ERICH1: variants seen among roughly 807,000 people sequenced by gnomAD.
The protein encoded by ERICH1 is glutamate-rich protein 1.
A neutral mutation model predicts 39.6 loss-of-function variants in ERICH1; 56 were observed. The observed-to-expected ratio is 1.41, with a 90% CI of 1.14 to 1.77. ERICH1 has a LOEUF of 1.77. ERICH1 is among the 40% of genes most tolerant of loss of function. The pLI, the probability that ERICH1 is intolerant of heterozygous loss-of-function variation, is 0.00. For synonymous variants in ERICH1, 313 were observed against 223.6 expected (o/e 1.40, Z -3.57); for missense variants, 826 against 575.4 (o/e 1.44, Z -4.45).
rs1027063216 is a variant in ERICH1 at position 731,219 on chromosome 8, C to T, written c.-58G>A. The T allele has an allele frequency of 7.1e-7, 1 of 1,414,580 alleles. No homozygotes were observed. Among genetic ancestry groups the T allele is most frequent in the Non-Finnish European group, 9.2e-7 (1 of 1,085,432 alleles). 87.6% of individuals were successfully genotyped at this position (1,414,580 alleles called of 1,614,324 possible). ...GCGCGGTCCTGAGCTGAGCGCCGTG[C>T]CTTCCGGGTTCCGCCCTCCTGGGTC... On this transcript the variant is annotated 5_prime_UTR_variant, in exon 1 of 6. Transcript: ENST00000262109.
At chr8:615,663 C>A in intron 3 of ERICH1, 1 of 173,834 alleles carries the variant, frequency 5.8e-6, no homozygotes, top group Non-Finnish European at 1.2e-5. Context: ...AATGGACTGT[C>A]CTGGAAAGGT....
chr8:729,360 T>C (rs1819501314), intron 1 of ERICH1, among the ~76,000 whole-genome samples: 1 of 152,286 alleles, frequency 6.6e-6, no homozygotes, highest in East Asian at 1.9e-4. Context: ...CAGACATCCC[T>C]GCAAGGGGAC....
At chr8:657,010 T>C (rs1800744668) in intron 3 of ERICH1, among the ~76,000 whole-genome samples, 3 of 152,236 alleles carry the variant, frequency 2.0e-5, no homozygotes, top group Admixed American at 6.5e-5. Context: ...GTTTAATAGA[T>C]TGGGGAAGAG....
intron 3 of ERICH1, among the ~76,000 whole-genome samples, chr8:679,292 G>A (rs1805574085): frequency 7.3e-6 from 1 of 136,360 alleles, no homozygotes; most frequent in South Asian, 2.5e-4. Context: ...ACTGCTCACA[G>A]CAAGTGACCC....
chr8:658,010 G>T (rs562542224), intron 3 of ERICH1, among the ~76,000 whole-genome samples: 1 of 152,296 alleles, frequency 6.6e-6, no homozygotes, highest in South Asian at 2.1e-4. Context: ...TCCAGGAGGG[G>T]CCCCACCCGA....
Position 650,046 on chromosome 8 carries a change from T to TGC in ERICH1, c.976+18550_976+18551dup, listed in dbSNP as rs1799748560. Among the ~76,000 whole-genome samples the TGC allele has an allele frequency of 3.3e-5, 5 of 152,318 alleles. No homozygotes were observed. The South Asian group carries it at 1.0e-3, about 32-fold the overall frequency. ...CGGCCTCCCTGCGCTGAGCGCGACC[T>TGC]GCGTGTCCTGCTCTCGGCTTTCGTG... On this transcript the variant is annotated intron_variant, in intron 3 of 3. Coordinates refer to the ERICH1 transcript ENST00000522706.
intron 3 of ERICH1, among the ~76,000 whole-genome samples, chr8:617,277 G>A (rs1198304072): frequency 6.6e-6 from 1 of 152,168 alleles, no homozygotes. Flanking sequence ...AAGTCAGAAT[G>A]TTCCTGGTGG....
At chr8:633,071 G>C (rs1028409672) in intron 3 of ERICH1, among the ~76,000 whole-genome samples, 2 of 152,168 alleles carry the variant, frequency 1.3e-5, no homozygotes, top group East Asian at 3.9e-4. Flanking sequence ...GGGCCCGCGC[G>C]GGGCCGCCCA....
exon 4 of ERICH1, chr8:615,151 T>C (rs1584917020): frequency 3.2e-6 from 2 of 621,144 alleles, no homozygotes; most frequent in East Asian, 2.8e-5. Flanking sequence ...GCTTAAAAAG[T>C]TACTATCACA....
intron 1 of ERICH1, among the ~76,000 whole-genome samples, chr8:716,761 T>C (rs892166406): frequency 2.0e-5 from 3 of 152,094 alleles, no homozygotes; most frequent in Admixed American, 1.3e-4. Context: ...CTGGTGCCTT[T>C]AGGAACAGGG....
At chr8:686,175 C>G (rs2132001705) in intron 3 of ERICH1, among the ~76,000 whole-genome samples, 1 of 152,176 alleles carries the variant, frequency 6.6e-6, no homozygotes, top group South Asian at 2.1e-4. Flanking sequence ...TCATCATCAT[C>G]ATCTTCTACC....
intron 1 of ERICH1, among the ~76,000 whole-genome samples, chr8:728,676 G>A (rs1301536224): frequency 6.6e-6 from 1 of 152,174 alleles, no homozygotes; most frequent in African/African-American, 2.4e-5. Context: ...TCAATTAGGA[G>A]AGCAGTTCAT....
At chr8:666,417 C>T (rs960490843) in intron 5 of ERICH1, 2 of 152,224 alleles carry the variant, frequency 1.3e-5, no homozygotes, top group Non-Finnish European at 2.9e-5. Flanking sequence ...TTGTTAAGTA[C>T]TTGCTGTAAG....
At chr8:656,614 G>C (rs189491445) in intron 3 of ERICH1, 1 of 361,970 alleles carries the variant, frequency 2.8e-6, no homozygotes, top group African/African-American at 2.2e-5. Context: ...AAATCAGCCA[G>C]GGCTTGCCCC....
chr8:630,569 G>C (rs1797950014), intron 3 of ERICH1, among the ~76,000 whole-genome samples: 1 of 79,564 alleles, frequency 1.3e-5, no homozygotes, highest in South Asian at 5.1e-4. Flanking sequence ...ACCCTTCTGT[G>C]ACCACCCACA....
intron 1 of ERICH1, among the ~76,000 whole-genome samples, chr8:722,966 G>A (rs1310839053): frequency 3.9e-5 from 6 of 152,246 alleles, no homozygotes; most frequent in Admixed American, 3.3e-4. Context: ...ACTTGGTTTG[G>A]ATGTGTCCCC....
chr8:710,312 G>A (rs977220884), intron 2 of ERICH1, among the ~76,000 whole-genome samples: 4 of 150,592 alleles, frequency 2.7e-5, no homozygotes, highest in African/African-American at 4.9e-5. Flanking sequence ...CAGTTTCACC[G>A]TCCTGCAAGT....
chr8:661,332 G>A (rs1801396814), downstream of ERICH1, among the ~76,000 whole-genome samples: 1 of 152,200 alleles, frequency 6.6e-6, no homozygotes, highest in Non-Finnish European at 1.5e-5. Flanking sequence ...GGAGCCTGGC[G>A]GCAGCTGGGC....
intron 3 of ERICH1, among the ~76,000 whole-genome samples, chr8:625,345 G>A (rs1797541528): frequency 6.6e-6 from 1 of 152,196 alleles, no homozygotes; most frequent in Non-Finnish European, 1.5e-5. Context: ...CTGAAACCAC[G>A]ACGCTGAGTT....
Sources: allele counts gnomAD v4.1 joint callset (sites outside exome capture counted in the v4.1 genomes callset), GRCh38; gene constraint gnomAD v4.1.1; transcripts MANE v1.5; gene names NCBI Gene and HGNC (gene_info 2026-07-23, HGNC 2026-07-21).